Variants in CADM2 observed in about 807,000 individuals in gnomAD.
CADM2 encodes the protein immunoglobulin superfamily member 4D.
A neutral mutation model predicts 49.8 loss-of-function variants in CADM2; 12 were observed. The ratio of observed to expected loss-of-function variants is 0.24; its 90% confidence interval spans 0.15 to 0.39. The LOEUF (loss-of-function observed/expected upper bound fraction) is 0.39, where lower values mean the gene tolerates loss of function less well. Among genes scored for constraint, CADM2 ranks in the 10% least tolerant of loss-of-function variants. The pLI is 1.00. For missense variants in CADM2, 378 were observed against 492.3 expected (o/e 0.77, Z 2.20); for synonymous variants, 214 against 175.4 (o/e 1.22, Z -1.74).
chr3:85,756,278 A>G (rs1240900751), intron 2 of CADM2, among the ~76,000 whole-genome samples: 1 of 152,060 alleles, frequency 6.6e-6, no homozygotes, highest in Admixed American at 6.6e-5. Flanking sequence ...TGTCATCATC[A>G]TGTCTTTTTC....
At chr3:85,301,452 A>T (rs944995482) in intron 1 of CADM2, among the ~76,000 whole-genome samples, 5 of 152,068 alleles carry the variant, frequency 3.3e-5, no homozygotes, top group African/African-American at 4.8e-5. Context: ...TATAAATTTT[A>T]CTTCCATTTT....
intron 1 of CADM2, among the ~76,000 whole-genome samples, chr3:85,247,038 T>A (rs985290406): frequency 2.0e-5 from 3 of 151,994 alleles, no homozygotes; most frequent in African/African-American, 7.2e-5. Flanking sequence ...CCTAAGACAA[T>A]GAAATTAAAT....
At chr3:85,195,312 C>A (rs2041314697) in intron 1 of CADM2, among the ~76,000 whole-genome samples, 1 of 151,962 alleles carries the variant, frequency 6.6e-6, no homozygotes, top group African/African-American at 2.4e-5. Flanking sequence ...TCCTGCCTCT[C>A]ATTAGTCAAA....
At chr3:85,701,910 T>A (rs1055833875) in intron 1 of CADM2, among the ~76,000 whole-genome samples, 1 of 132,808 alleles carries the variant, frequency 7.5e-6, no homozygotes, top group African/African-American at 2.9e-5. Flanking sequence ...GATAGATAGA[T>A]ATAAAGAAAA....
chr3:85,765,766 T>A lies in CADM2; in HGVS notation c.89-36281T>A, dbSNP rs1037105803. ...TTTCATTGAGTCCACCTATCTTGTA[T>A]CTTATTGAGTATATGACTAAGAAAA... On this transcript the variant is annotated intron_variant, in intron 2 of 9. Transcript: ENST00000383699. 2.0e-5 allele frequency among the ~76,000 whole-genome samples: 3 copies of A among 152,110 alleles called. No individual in the cohort carries two copies. The South Asian group carries it at 6.2e-4, about 32-fold the overall frequency.
chr3:85,624,586 C>T (rs1357604545), intron 1 of CADM2, among the ~76,000 whole-genome samples: 2 of 152,076 alleles, frequency 1.3e-5, no homozygotes, highest in African/African-American at 2.4e-5. Context: ...CCGCCTTGAC[C>T]TCCCAAAGTG....
intron 1 of CADM2, among the ~76,000 whole-genome samples, chr3:85,264,727 A>G (rs2043085369): frequency 6.6e-6 from 1 of 152,148 alleles, no homozygotes; most frequent in Non-Finnish European, 1.5e-5. Flanking sequence ...ACTATGGAAC[A>G]TAAGTAATGG....
At chr3:84,973,432 GTTTC>G (rs1220236188) in intron 1 of CADM2, among the ~76,000 whole-genome samples, 1 of 151,952 alleles carries the variant, frequency 6.6e-6, no homozygotes, top group Admixed American at 6.6e-5. Flanking sequence ...TATGATGCCA[GTTTC>G]TTTATTTTTA....
intron 1 of CADM2, among the ~76,000 whole-genome samples, chr3:85,154,006 A>T (rs1379763185): frequency 6.6e-6 from 1 of 152,256 alleles, no homozygotes; most frequent in East Asian, 1.9e-4. Context: ...GAGCAGAAAA[A>T]CTGGAAACTC....
chr3:85,081,639 T>A (rs1289112428), intron 1 of CADM2, among the ~76,000 whole-genome samples: 2 of 152,154 alleles, frequency 1.3e-5, no homozygotes, highest in Middle Eastern at 3.2e-3. Flanking sequence ...TTTGGAAAGA[T>A]AGGTTACGTC....
chr3:86,048,034 C>T (rs1736875070), intron 8 of CADM2, among the ~76,000 whole-genome samples: 1 of 151,956 alleles, frequency 6.6e-6, no homozygotes, highest in Non-Finnish European at 1.5e-5. Context: ...AAACATGTAT[C>T]AAAGATGACC....
At position 85,229,947 on chromosome 3, in the gene CADM2, G is replaced by A. The variant is rs187459874; in HGVS notation, c.61+270279G>A. On this transcript the variant is annotated intron_variant, in intron 1 of 9. Coordinates refer to ENST00000383699, the MANE Select transcript of CADM2 (RefSeq NM_001167675.2). The stretch of plus-strand genomic sequence containing the variant: ...GTAAGATTACCTGTGCTATTAAACT[G>A]ATATTTGTAAGATAACTTGTGTTAT... 1.8e-3 allele frequency among the ~76,000 whole-genome samples: 275 copies of A among 152,302 alleles called. 1 individual carries two copies. The highest frequency in any genetic ancestry group is 6.4e-3 in the African/African-American group (264 of 41,568).
At chr3:85,727,760 A>C (rs2067764534) in intron 2 of CADM2, among the ~76,000 whole-genome samples, 1 of 152,148 alleles carries the variant, frequency 6.6e-6, no homozygotes, top group Admixed American at 6.6e-5. Context: ...GCATATCAGC[A>C]CTGGAATCAT....
At chr3:85,609,997 T>C (rs960820059) in intron 1 of CADM2, among the ~76,000 whole-genome samples, 18 of 152,046 alleles carry the variant, frequency 1.2e-4, no homozygotes, top group African/African-American at 4.3e-4. Context: ...AAATAATATT[T>C]CCGCTGTATT....
chr3:85,033,743 G>T (rs910450026), intron 1 of CADM2, among the ~76,000 whole-genome samples: 2 of 152,140 alleles, frequency 1.3e-5, no homozygotes, highest in African/African-American at 2.4e-5. Context: ...CTGAATATGT[G>T]TAGTTTGTGT....
chr3:85,615,727 G>T (rs2063785651), intron 1 of CADM2, among the ~76,000 whole-genome samples: 2 of 151,598 alleles, frequency 1.3e-5, no homozygotes, highest in East Asian at 2.0e-4. Flanking sequence ...ATTGGCATTT[G>T]CATTACCAAT....
intron 8 of CADM2, among the ~76,000 whole-genome samples, chr3:85,967,732 G>T (rs1381507144): frequency 6.6e-6 from 1 of 151,610 alleles, no homozygotes; most frequent in East Asian, 2.0e-4. Flanking sequence ...ATCCAGCAAC[G>T]AAACATCTAG....
At chr3:85,624,281 G>T (rs754049232) in intron 1 of CADM2, among the ~76,000 whole-genome samples, 36 of 152,036 alleles carry the variant, frequency 2.4e-4, no homozygotes, top group Non-Finnish European at 5.0e-4. Flanking sequence ...TTTGACAGTT[G>T]TTCACCTGGT....
At chr3:85,489,616 C>A (rs2039575329) in intron 1 of CADM2, among the ~76,000 whole-genome samples, 1 of 150,946 alleles carries the variant, frequency 6.6e-6, no homozygotes, top group Non-Finnish European at 1.5e-5. Context: ...AACTAACCTG[C>A]ACAATGTGCA....
Sources: gnomAD v4.1 joint callset for allele counts (sites outside exome capture counted in the v4.1 genomes callset) on GRCh38, gnomAD v4.1.1 for gene constraint, MANE v1.5 for transcripts, NCBI Gene and HGNC (gene_info 2026-07-23, HGNC 2026-07-21) for gene names.